Variants in SPC25 observed in about 807,000 individuals in gnomAD.
The protein encoded by SPC25 is kinetochore protein Spc25.
In SPC25, 22 loss-of-function variants were observed where a neutral mutation model predicts 29.6. The observed-to-expected ratio is 0.74, with a 90% CI of 0.53 to 1.06. The LOEUF is 1.06. Ranked by LOEUF, SPC25 falls within the 50% of genes least tolerant of loss-of-function variation. The pLI, the probability that SPC25 is intolerant of heterozygous loss-of-function variation, is 0.00. For missense variants in SPC25, 230 were observed against 255.8 expected (o/e 0.90, Z 0.69); for synonymous variants, 91 against 90.4 (o/e 1.01, Z -0.04).
intron 3 of SPC25, among the ~76,000 whole-genome samples, 192 bp downstream of exon 3, chr2:168,889,032 TAC>T (rs1490337262): frequency 4.5e-4 from 12 of 26,554 alleles, no homozygotes; most frequent in South Asian, 2.3e-3. Context: ...CACATATATA[TAC>T]ATATATATAT....
intron 3 of SPC25, among the ~76,000 whole-genome samples, chr2:168,887,087 A>C (rs1002152927): frequency 6.6e-6 from 1 of 152,192 alleles, no homozygotes; most frequent in African/African-American, 2.4e-5. Flanking sequence ...GAATGAGAGA[A>C]GCAGTGAAGG....
intron 5 of SPC25, among the ~76,000 whole-genome samples, chr2:168,874,381 A>G (rs1690049671): frequency 6.6e-6 from 1 of 152,212 alleles, no homozygotes; most frequent in Non-Finnish European, 1.5e-5. Context: ...TCCTAAGTAT[A>G]GAGCTGAAAG....
At chr2:168,864,530 C>A (rs506362) in intron 4 of SPC25, among the ~76,000 whole-genome samples, 45,336 of 152,106 alleles carry the variant, frequency 0.3, 8,054 homozygotes, top group East Asian at 0.55. Context: ...TGTGATCCAC[C>A]CACCTTGGCC....
intron 3 of SPC25, among the ~76,000 whole-genome samples, chr2:168,880,856 G>A (rs1690166529): frequency 6.6e-6 from 1 of 152,188 alleles, no homozygotes; most frequent in Admixed American, 6.5e-5. Context: ...TATCCATTAA[G>A]TTTGTCATCT....
chr2:168,888,491 C>A (rs1290716015), intron 3 of SPC25, among the ~76,000 whole-genome samples: 2 of 151,462 alleles, frequency 1.3e-5, no homozygotes, highest in East Asian at 3.9e-4. Context: ...GGAGGCGGAG[C>A]TTGCAGTGAG....
rs778853034 is a variant in SPC25, at chr2:168,889,209, TA to T, written c.199+16del. ...TTTATCTAAAAAAAACCCCATGATT[TA>T]TACTTTTTCACATACGATTTTGATA... On this transcript the variant is annotated intron_variant, in intron 3 of 6. Transcript: ENST00000282074. 6.2e-7 allele frequency: 1 copy of T among 1,607,126 alleles called. No homozygotes were observed. The highest frequency in any genetic ancestry group is 8.5e-7 in the Non-Finnish European group (1 of 1,177,400).
chr2:168,885,236 C>T (rs1574364852), intron 3 of SPC25, among the ~76,000 whole-genome samples: 1 of 152,310 alleles, frequency 6.6e-6, no homozygotes, highest in Admixed American at 6.5e-5. Context: ...ACCACTGATT[C>T]ATACTCCATG....
At chr2:168,882,337 C>T (rs749421354) in intron 3 of SPC25, among the ~76,000 whole-genome samples, 6 of 152,286 alleles carry the variant, frequency 3.9e-5, no homozygotes, top group East Asian at 1.9e-4. Context: ...CCAGGCATGG[C>T]GGCTCACGCC....
downstream of SPC25, among the ~76,000 whole-genome samples, chr2:168,867,409 C>T (rs1322363263): frequency 6.6e-6 from 1 of 152,194 alleles, no homozygotes; most frequent in African/African-American, 2.4e-5. Flanking sequence ...TGTAAATGGG[C>T]TAAATGCTCC....
At chr2:168,882,021 G>C (rs1293907838) in intron 3 of SPC25, among the ~76,000 whole-genome samples, 1 of 152,090 alleles carries the variant, frequency 6.6e-6, no homozygotes, top group Non-Finnish European at 1.5e-5. Context: ...GAAATATGTA[G>C]GCTCTGTTTG....
intron 3 of SPC25, among the ~76,000 whole-genome samples, chr2:168,879,791 G>A (rs1690145728): frequency 6.6e-6 from 1 of 152,184 alleles, no homozygotes; most frequent in South Asian, 2.1e-4. Flanking sequence ...AGACATGAAA[G>A]TCAAAACTAC....
At chr2:168,861,666 A>G (rs1689457406) in intron 4 of SPC25, among the ~76,000 whole-genome samples, 1 of 152,198 alleles carries the variant, frequency 6.6e-6, no homozygotes, top group Admixed American at 6.5e-5. Context: ...TGTTTTCCAA[A>G]ACATGCATGC....
intron 5 of SPC25, 140 bp from the exon 6 acceptor site, chr2:168,873,823 C>A: frequency 1.7e-5 from 8 of 470,462 alleles, no homozygotes; most frequent in South Asian, 1.2e-4. Flanking sequence ...GTTACAAATT[C>A]GTTTTAAAAT....
chr2:168,868,817 G>A (rs1389156521), downstream of SPC25, among the ~76,000 whole-genome samples: 1 of 151,896 alleles, frequency 6.6e-6, no homozygotes, highest in Admixed American at 6.6e-5. Context: ...AACTATTCCA[G>A]TCAATAGAAA....
At chr2:168,869,875 C>A (rs1051701277), downstream of SPC25, among the ~76,000 whole-genome samples, 4 of 151,728 alleles carry the variant, frequency 2.6e-5, no homozygotes, top group Non-Finnish European at 5.9e-5. Flanking sequence ...TCATATGGAA[C>A]CAAAAAAGAG....
intron 1 of SPC25, 146 bp from the exon 2 acceptor site, chr2:168,889,679 A>G (rs1690357301): frequency 8.6e-6 from 7 of 813,332 alleles, no homozygotes; most frequent in Non-Finnish European, 1.3e-5. Flanking sequence ...AGGGTAGATC[A>G]AGCCACCTGG....
downstream of SPC25, among the ~76,000 whole-genome samples, chr2:168,868,147 TG>T (rs1244956179): frequency 2.0e-5 from 3 of 151,956 alleles, no homozygotes; most frequent in South Asian, 2.1e-4. Flanking sequence ...AGATGTTCTT[TG>T]TAACCAATGA....
At chr2:168,865,017 C>A in intron 4 of SPC25, 1 of 1,589,152 alleles carries the variant, frequency 6.3e-7, no homozygotes, top group Non-Finnish European at 8.6e-7. Context: ...ATCAACAATA[C>A]AGTGTGGTTC....
At chr2:168,874,761 G>A (rs1050324228) in intron 5 of SPC25, among the ~76,000 whole-genome samples, 1 of 152,230 alleles carries the variant, frequency 6.6e-6, no homozygotes, top group Middle Eastern at 3.4e-3. Flanking sequence ...AACACTTCAC[G>A]TGTGTTGTCA....
Sources: allele counts gnomAD v4.1 joint callset (sites outside exome capture counted in the v4.1 genomes callset), GRCh38; gene constraint gnomAD v4.1.1; transcripts MANE v1.5; gene names NCBI Gene and HGNC (gene_info 2026-07-23, HGNC 2026-07-21).